FRMPD2: variants seen among roughly 807,000 people sequenced by gnomAD.
The protein encoded by FRMPD2 is FERM and PDZ domain-containing protein 2.
Under a neutral mutation model 140.1 loss-of-function variants are expected in FRMPD2, and 96 were observed. The observed-to-expected ratio is 0.69, with a 90% CI of 0.58 to 0.81. FRMPD2 has a LOEUF of 0.81. FRMPD2 is among the 40% of genes least tolerant of loss of function. The pLI is 0.00. For synonymous variants in FRMPD2, 449 were observed against 547.6 expected, an observed-to-expected ratio of 0.82 and a Z score of 2.52; for missense variants, 1,240 against 1,447.4, an observed-to-expected ratio of 0.86 and a Z score of 2.32.
intron 13 of FRMPD2, among the ~76,000 whole-genome samples, chr10:48,211,585 C>A (rs1181845203): frequency 1.3e-5 from 2 of 152,192 alleles, no homozygotes; most frequent in East Asian, 3.9e-4. Flanking sequence ...GAGTTTGAGA[C>A]CAGCCTGGCC....
intron 17 of FRMPD2, among the ~76,000 whole-genome samples, chr10:48,186,482 T>C (rs774198630): frequency 1.3e-5 from 2 of 152,232 alleles, no homozygotes; most frequent in Non-Finnish European, 2.9e-5. Flanking sequence ...TCCCATGCTA[T>C]TCTCGTGATA....
intron 3 of FRMPD2, among the ~76,000 whole-genome samples, chr10:48,245,935 T>A (rs1840237964): frequency 2.0e-5 from 3 of 152,194 alleles, no homozygotes; most frequent in South Asian, 4.1e-4. Context: ...GTGGTTTTAG[T>A]TTTTGGTTTT....
At chr10:48,259,468 A>C (rs899741556) in intron 1 of FRMPD2, among the ~76,000 whole-genome samples, 37 of 152,226 alleles carry the variant, frequency 2.4e-4, no homozygotes, top group African/African-American at 8.2e-4. Flanking sequence ...TTTAAAAAGC[A>C]ACTTTGTCTC....
At chr10:48,218,229 T>G (rs975926210) in intron 12 of FRMPD2, among the ~76,000 whole-genome samples, 2 of 152,308 alleles carry the variant, frequency 1.3e-5, no homozygotes, top group East Asian at 3.9e-4. Context: ...AATCACCTTT[T>G]TAAAGGCCCT....
At chr10:48,190,699 T>C (rs1462012541) in intron 16 of FRMPD2, among the ~76,000 whole-genome samples, 1 of 152,182 alleles carries the variant, frequency 6.6e-6, no homozygotes, top group East Asian at 1.9e-4. Context: ...TGTGAGTTAT[T>C]AAGGGTCATG....
intron 20 of FRMPD2, among the ~76,000 whole-genome samples, chr10:48,183,101 G>A (rs752141859): frequency 6.6e-6 from 1 of 152,196 alleles, no homozygotes; most frequent in Non-Finnish European, 1.5e-5. Context: ...ACTGTGTACA[G>A]GTACAAGAGT....
chr10:48,174,274 G>A (rs1398490959), intron 24 of FRMPD2, among the ~76,000 whole-genome samples: 5 of 152,214 alleles, frequency 3.3e-5, no homozygotes, highest in Admixed American at 2.0e-4. Flanking sequence ...CTAACCTCAG[G>A]CAGAGGACTC....
chr10:48,251,750 C>T (rs756214018), intron 1 of FRMPD2, 59 bp from the exon 2 acceptor site: 2 of 1,596,180 alleles, frequency 1.3e-6, no homozygotes, highest in Non-Finnish European at 8.6e-7. Flanking sequence ...ATGTCCGGGC[C>T]CGTACTCGCC....
chr10:48,156,765 C>T lies in FRMPD2; in HGVS notation c.*557G>A, dbSNP rs782329096. 805 of 182,492 alleles carry T rather than the reference C, an allele frequency of 4.4e-3. 17 individuals are homozygous for T. Among genetic ancestry groups the T allele is most frequent in the Middle Eastern group, 0.024 (9 of 382 alleles). 11.3% of individuals were successfully genotyped at this position (182,492 alleles called of 1,614,324 possible). A position where few individuals can be genotyped will look rare whatever the true frequency, so the allele number is the denominator to read the frequency against. ...AGACTCGTCACATGGCAAGCAGAGT[C>T]GGTCAGACTTTGGACAAGTTTATTG... is the stretch of plus-strand genomic sequence containing the variant. On this transcript the variant is annotated 3_prime_UTR_variant, in exon 29 of 29. Coordinates refer to ENST00000374201, the MANE Select transcript of FRMPD2 (RefSeq NM_001018071.4).
chr10:48,168,545 G>C (rs1838158520), intron 27 of FRMPD2, 50 bp downstream of exon 27: 2 of 693,396 alleles, frequency 2.9e-6, no homozygotes, highest in Admixed American at 2.1e-5. Flanking sequence ...TCTGGAAAAG[G>C]GGGGCCCAAC....
rs763040616 is a variant in FRMPD2, at chr10:48,212,155, CG to C, written c.1456-47del. 3.8e-6 allele frequency: 6 copies of C among 1,588,392 alleles called. No homozygotes were observed. In the East Asian group the frequency reaches 1.1e-4, roughly 30 times the overall value. On this transcript the variant is annotated intron_variant, in intron 12 of 28. Coordinates refer to ENST00000374201, the MANE Select transcript of FRMPD2 (RefSeq NM_001018071.4). ...GGAAGGGCACAATCCAGACACTGGC[CG>C]GGGGACTCTGAGAGGAATGAAAACA...
At chr10:48,193,772 T>A (rs567104468) in intron 15 of FRMPD2, among the ~76,000 whole-genome samples, 1 of 152,200 alleles carries the variant, frequency 6.6e-6, no homozygotes, top group Non-Finnish European at 1.5e-5. Context: ...TGTGTGCACA[T>A]GCACTTCTAG....
intron 28 of FRMPD2, among the ~76,000 whole-genome samples, chr10:48,161,148 A>T (rs1311091167): frequency 1.3e-5 from 2 of 151,028 alleles, no homozygotes; most frequent in Non-Finnish European, 3.0e-5. Context: ...ATCCATGGGT[A>T]CATGGACCAT....
rs75079659 is a variant in FRMPD2, at chr10:48,192,590, C to G, written c.2165+94G>C. On this transcript the variant is annotated intron_variant, in intron 16 of 28. Coordinates refer to ENST00000374201, the MANE Select transcript of FRMPD2 (RefSeq NM_001018071.4). Reference sequence around the variant, plus strand: ...GGGCAACAAGAGCAAAACTCAGTCTCAAAAAAAAAATAAAATAAATCTTCA... The same window carrying G: ...GGGCAACAAGAGCAAAACTCAGTCTGAAAAAAAAAATAAAATAAATCTTCA... The G allele has an allele frequency of 8.5e-6, 9 of 1,062,238 alleles. No homozygotes were observed. The East Asian group carries it at 2.6e-4, about 31-fold the overall frequency. The allele number at this position is 1,062,238 out of a possible 1,614,324, so 65.8% of individuals were successfully genotyped here.
intron 15 of FRMPD2, 21 bp from the exon 16 acceptor site, chr10:48,192,915 A>G (rs1009979480): frequency 3.2e-6 from 5 of 1,557,580 alleles, no homozygotes; most frequent in African/African-American, 1.4e-5. Flanking sequence ...GGAGAAAAAC[A>G]TAGACATACA....
chr10:48,244,983 T>C, intron 3 of FRMPD2, 134 bp from the exon 4 acceptor site: 1 of 665,340 alleles, frequency 1.5e-6, no homozygotes, highest in South Asian at 1.9e-5. Context: ...TGCAACTCCC[T>C]TAACCCTTGT....
Position 48,218,710 on chromosome 10 carries a change from G to A in FRMPD2, c.1455+3603C>T, listed in dbSNP as rs116092057. 2.0e-3 allele frequency among the ~76,000 whole-genome samples: 311 copies of A among 152,284 alleles called. 1 individual carries two copies. Among genetic ancestry groups the A allele is most frequent in the African/African-American group, 6.8e-3 (284 of 41,556 alleles). On this transcript the variant is annotated intron_variant, in intron 12 of 28. Coordinates refer to ENST00000374201, the MANE Select transcript of FRMPD2 (RefSeq NM_001018071.4). ...CTTGCACAGGGCTGGAACCTGGAGAGTGGAATTGGAAAGCCATGAAAGGCA... is the reference window on the plus strand; with the variant it reads ...CTTGCACAGGGCTGGAACCTGGAGAATGGAATTGGAAAGCCATGAAAGGCA...
chr10:48,248,040 C>G (rs1381079058), intron 3 of FRMPD2, among the ~76,000 whole-genome samples: 1 of 152,228 alleles, frequency 6.6e-6, no homozygotes, highest in Admixed American at 6.5e-5. Context: ...CAAACCAAAT[C>G]TGGAAACCAC....
chr10:48,193,796 G>A (rs967319267), intron 15 of FRMPD2, among the ~76,000 whole-genome samples: 5 of 152,064 alleles, frequency 3.3e-5, no homozygotes, highest in Non-Finnish European at 5.9e-5. Flanking sequence ...CTGGTGAAGT[G>A]CCTCCATTTC....
Sources: gnomAD v4.1 joint callset for allele counts (sites outside exome capture counted in the v4.1 genomes callset) on GRCh38, gnomAD v4.1.1 for gene constraint, MANE v1.5 for transcripts, NCBI Gene and HGNC (gene_info 2026-07-23, HGNC 2026-07-21) for gene names.